CRELD2: variants seen among roughly 807,000 people sequenced by gnomAD.
The protein encoded by CRELD2 is protein disulfide isomerase CRELD2.
CRELD2 carries 33 observed loss-of-function variants against 48.1 expected under a neutral mutation model. That is an observed-to-expected ratio of 0.69 (90% CI 0.52 to 0.92). CRELD2 has a LOEUF of 0.92. CRELD2 is among the 40% of genes least tolerant of loss of function. CRELD2 has a pLI of 0.00. For synonymous variants in CRELD2, 220 were observed against 203.9 expected, an observed-to-expected ratio of 1.08 and a Z score of -0.67; for missense variants, 477 against 482.4, an observed-to-expected ratio of 0.99 and a Z score of 0.10.
In CRELD2 at chr22:49,922,714, A is replaced by T; in HGVS notation, c.688+7A>T. ...GACGAGGGCGCCTGTGTGGGTGAGG[A>T]GCGGCCCGGGGGTGGAGGAGGGCGC... On this transcript the variant is annotated splice_region_variant and intron_variant, in intron 6 of 9. Transcript: ENST00000328268. 2.1e-6 allele frequency: 3 copies of T among 1,461,200 alleles called. No individual in the cohort carries two copies. Among genetic ancestry groups the T allele is most frequent in the Non-Finnish European group, 2.7e-6 (3 of 1,103,084 alleles). 90.5% of individuals were successfully genotyped at this position (1,461,200 alleles called of 1,614,324 possible).
rs952319406 is a variant in CRELD2, at chr22:49,922,633, C to T, written c.614C>T (p.Thr205Met). The T allele has an allele frequency of 2.2e-5, 34 of 1,566,168 alleles. No individual in the cohort carries two copies. Among genetic ancestry groups the T allele is most frequent in the Admixed American group, 7.4e-5 (4 of 53,784 alleles). ...ICTACDESCK[T>M]CSGLTNRDCG... ...CCAGCCTGTGACGAGTCCTGCAAGACGTGCTCGGGCCTGACCAACAGAGAC... is the reference window on the plus strand; with the variant it reads ...CCAGCCTGTGACGAGTCCTGCAAGATGTGCTCGGGCCTGACCAACAGAGAC... Residue 205 changes from threonine to methionine, a missense_variant, in exon 6 of 10, where the codon ACG (threonine) becomes ATG (methionine). By Grantham distance (81) the Thr-to-Met change is moderately conservative. Transcript: ENST00000328268.
chr22:49,919,748 G>T lies in CRELD2; in HGVS notation c.231G>T (p.Glu77Asp). The T allele has an allele frequency of 8.7e-6, 14 of 1,610,162 alleles. No homozygotes were observed. Among genetic ancestry groups the T allele is most frequent in the Non-Finnish European group, 1.1e-5 (13 of 1,178,640 alleles). ...GTTTCAGCGAGATTCGCCTGCTGGA[G>T]ATCCTGGAGGGGCTGTGCGAGAGCA... Reference protein sequence around the residue: ...KYESSEIRLLEILEGLCESSD... With the variant: ...KYESSEIRLLDILEGLCESSD... The change falls in exon 3 of 10, where the codon GAG (glutamate) becomes GAT (aspartate). Residue 77 changes from glutamate to aspartate, a missense_variant. Physicochemically the swap from Glu to Asp is conservative, Grantham distance 45. Transcript: ENST00000328268.
At chr22:49,925,793 G>A in intron 9 of CRELD2, 1 of 1,343,540 alleles carries the variant, frequency 7.4e-7, no homozygotes, top group Non-Finnish European at 9.7e-7. Context: ...AGGCGATGAA[G>A]GGGGAAGTCT....
rs2060667591 is a variant in CRELD2 at position 49,920,148 on chromosome 22, ATCC to A, written c.324-5_324-3del. On this transcript the variant is annotated splice_polypyrimidine_tract_variant and splice_region_variant and intron_variant, in intron 3 of 9. Coordinates refer to ENST00000328268, the MANE Select transcript of CRELD2 (RefSeq NM_024324.5). ...TGGGATTCAGTGAATGTTTTCCTCC[ATCC>A]TCAGGAAGAGCGAATATCCTGACTT... 1 of 1,592,766 alleles carries A rather than the reference ATCC, an allele frequency of 6.3e-7. No homozygotes were observed. The highest frequency in any genetic ancestry group is 2.2e-5 in the East Asian group (1 of 44,758).
At position 49,923,336 on chromosome 22, in the gene CRELD2, T is replaced by TCTGCACTCCGGGGC. The variant is rs145727743; in HGVS notation, c.772+24_772+37dup. 304,529 of 1,563,880 alleles carry TCTGCACTCCGGGGC rather than the reference T, an allele frequency of 0.19. 36,625 individuals carry two copies. The highest frequency in any genetic ancestry group is 0.48 in the African/African-American group (34,645 of 72,800). ...TGCGAAGGTGGGCCAGGCGGGCGGG[T>TCTGCACTCCGGGGC]CTGCACTCCGGGGCCTGCCGGGTTT... is the stretch of plus-strand genomic sequence containing the variant. On this transcript the variant is annotated intron_variant, in intron 7 of 9. Coordinates refer to ENST00000328268, the MANE Select transcript of CRELD2 (RefSeq NM_024324.5).
At chr22:49,919,426 C>A in intron 2 of CRELD2, 114 bp downstream of exon 2, 1 of 966,800 alleles carries the variant, frequency 1.0e-6, no homozygotes. Context: ...CCCGAGGCAC[C>A]AGTCACCCGT....
At chr22:49,924,797 C>T (rs185780803) in intron 8 of CRELD2, 229 of 198,068 alleles carry the variant, frequency 1.2e-3, no homozygotes, top group African/African-American at 4.8e-3. Context: ...TGGTTGTGGG[C>T]TGCCTGGGTG....
intron 9 of CRELD2, 131 bp downstream of exon 9, chr22:49,925,688 G>C (rs776898194): frequency 3.3e-6 from 5 of 1,515,328 alleles, no homozygotes; most frequent in Admixed American, 4.1e-5. Flanking sequence ...ATTCCCGGAA[G>C]ACAGGTGCAT....
At chr22:49,923,478 A>C (rs540155103) in intron 7 of CRELD2, 161 bp downstream of exon 7, 1 of 716,648 alleles carries the variant, frequency 1.4e-6, no homozygotes, top group South Asian at 1.5e-5. Context: ...CTGCAGGAAA[A>C]TCAGAAAATT....
chr22:49,927,259 C>G lies in CRELD2; in HGVS notation c.1014C>G (p.Ala338=). 6.2e-7 allele frequency: 1 copy of G among 1,612,332 alleles called. No individual in the cohort carries two copies. The highest frequency in any genetic ancestry group is 2.2e-5 in the East Asian group (1 of 44,780). Residue 338 remains alanine (A), a synonymous_variant, in exon 10 of 10, where the codon GCC becomes GCG. Transcript: ENST00000328268. The part of the protein sequence containing the change: ...DACVPPAEAE[A]TEGESPTQLP... ...CCTATGCTTGTTTTCTGACAGAAGC[C>G]ACAGAAGGAGAAAGCCCGACACAGC...
At chr22:49,925,118 G>A (rs1283410927) in intron 8 of CRELD2, 27 of 221,210 alleles carry the variant, frequency 1.2e-4, no homozygotes, top group Admixed American at 1.1e-4. Flanking sequence ...GCGACAGAGC[G>A]AGACTCCGCC....
chr22:49,923,176 T>C, intron 6 of CRELD2, 58 bp from the exon 7 acceptor site: 1 of 1,396,306 alleles, frequency 7.2e-7, no homozygotes, highest in Non-Finnish European at 9.6e-7. Context: ...GATCGGTCCT[T>C]CCCCGCTCCC....
chr22:49,922,901 G>A lies in CRELD2; in HGVS notation c.688+194G>A, dbSNP rs1469354081. Among the ~76,000 whole-genome samples, 24 of 70,006 alleles carry A rather than the reference G, an allele frequency of 3.4e-4. 1 individual carries two copies. The East Asian group carries it at 7.0e-3, about 20-fold the overall frequency. 45.9% of individuals were successfully genotyped at this position (70,006 alleles called of 152,430 possible). A position where few individuals can be genotyped will look rare whatever the true frequency, so the allele number is the denominator to read the frequency against. On this transcript the variant is annotated intron_variant, in intron 6 of 9. Transcript: ENST00000328268. ...CGTGAGGTGTGGGGGAGCATGAGGT[G>A]GGGCGTGAGGTGTGGGGGCGTGAGG...
At position 49,925,463 on chromosome 22, in the gene CRELD2, C is replaced by T. The variant is rs768376869; in HGVS notation, c.915C>T (p.Asn305=). 1.7e-5 allele frequency: 27 copies of T among 1,613,582 alleles called. No individual in the cohort carries two copies. Among genetic ancestry groups the T allele is most frequent in the South Asian group, 1.3e-4 (12 of 91,032 alleles). ...SLAEKTCVRK[N]ENCYNTPGSY... is the part of the protein sequence containing the mutation. ...CAGAAAAAACCTGTGTGAGGAAAAA[C>T]GAAAACTGCTACAATACTCCAGGGA... is the stretch of plus-strand genomic sequence containing the variant. Residue 305 remains asparagine (N), a synonymous_variant, in exon 9 of 10, where the codon AAC becomes AAT. Transcript: ENST00000328268.
chr22:49,919,932 G>C (rs765704376), intron 3 of CRELD2, 92 bp downstream of exon 3: 3 of 1,045,738 alleles, frequency 2.9e-6, no homozygotes, highest in Non-Finnish European at 4.3e-6. Flanking sequence ...AGGAACAGTA[G>C]GGAGCTCCCA....
chr22:49,922,531 T>C, intron 5 of CRELD2, 81 bp from the exon 6 acceptor site: 1 of 1,478,720 alleles, frequency 6.8e-7, no homozygotes. Context: ...CCCTCTTAAA[T>C]TCCTCACTTT....
chr22:49,919,562 C>T (rs1033727970), intron 2 of CRELD2, among the ~76,000 whole-genome samples, 168 bp from the exon 3 acceptor site: 5 of 151,974 alleles, frequency 3.3e-5, no homozygotes, highest in African/African-American at 1.2e-4. Context: ...AACACCAGCC[C>T]CACTTGTGGG....
intron 4 of CRELD2, 128 bp downstream of exon 4, chr22:49,920,375 C>A: frequency 1.6e-6 from 1 of 630,812 alleles, no homozygotes; most frequent in Non-Finnish European, 2.7e-6. Flanking sequence ...GGGACCCTGC[C>A]GGATGGCTGC....
chr22:49,927,335 C>T lies in CRELD2; in HGVS notation c.*28C>T, dbSNP rs371759828. 3.8e-6 allele frequency: 6 copies of T among 1,596,822 alleles called. No homozygotes were observed. Among genetic ancestry groups the T allele is most frequent in the Non-Finnish European group, 5.1e-6 (6 of 1,165,774 alleles). The stretch of plus-strand genomic sequence containing the variant: ...TGCCGGACTTACCCTTTAAATTATT[C>T]AGAAGGATGTCCCGTGGAAAATGTG... On this transcript the variant is annotated 3_prime_UTR_variant, in exon 10 of 10. Transcript: ENST00000328268.
Sources: allele counts gnomAD v4.1 joint callset (sites outside exome capture counted in the v4.1 genomes callset), GRCh38; gene constraint gnomAD v4.1.1; transcripts MANE v1.5; gene names NCBI Gene and HGNC (gene_info 2026-07-23, HGNC 2026-07-21).